The following CCBE1 variants were observed in gnomAD, a reference collection of about 807,000 sequenced individuals.
The protein encoded by CCBE1 is collagen and calcium-binding EGF domain-containing protein 1.
In CCBE1, 37 loss-of-function variants were observed where a neutral mutation model predicts 50.0. That is an observed-to-expected ratio of 0.74 (90% CI 0.57 to 0.97). CCBE1 has a LOEUF of 0.97. Ranked by LOEUF, CCBE1 falls within the 50% of genes least tolerant of loss-of-function variation. The pLI, the probability that CCBE1 is intolerant of heterozygous loss-of-function variation, is 0.00. For missense variants in CCBE1, 538 were observed against 523.8 expected (o/e 1.03, Z -0.26); for synonymous variants, 234 against 203.7 (o/e 1.15, Z -1.27).
chr18:59,636,904 G>A (rs2053923577), intron 2 of CCBE1, among the ~76,000 whole-genome samples: 1 of 152,212 alleles, frequency 6.6e-6, no homozygotes, highest in Admixed American at 6.5e-5. Context: ...CTGGGAAGCA[G>A]TGATTACCTT....
chr18:59,587,638 A>G (rs921069879), intron 2 of CCBE1, among the ~76,000 whole-genome samples: 2 of 152,242 alleles, frequency 1.3e-5, no homozygotes, highest in African/African-American at 4.8e-5. Flanking sequence ...GAAGCGACTC[A>G]GATCTAGGAC....
intron 7 of CCBE1, among the ~76,000 whole-genome samples, chr18:59,441,402 C>T (rs1386716249): frequency 6.6e-6 from 1 of 150,850 alleles, no homozygotes; most frequent in Non-Finnish European, 1.5e-5. Context: ...CCCAGCTACT[C>T]AGGAGGCTGA....
At chr18:59,558,070 C>A (rs73961241) in intron 2 of CCBE1, among the ~76,000 whole-genome samples, 2,332 of 152,286 alleles carry the variant, frequency 0.015, 80 homozygotes, top group African/African-American at 0.053. Flanking sequence ...TGGTGACTCA[C>A]GTGTATCTTA....
At chr18:59,597,611 G>C (rs543410610) in intron 2 of CCBE1, among the ~76,000 whole-genome samples, 1 of 152,120 alleles carries the variant, frequency 6.6e-6, no homozygotes, top group Non-Finnish European at 1.5e-5. Context: ...AAGAAAAAAC[G>C]GGGAAAAGTA....
At chr18:59,656,782 T>C (rs2054196236) in intron 2 of CCBE1, among the ~76,000 whole-genome samples, 1 of 152,240 alleles carries the variant, frequency 6.6e-6, no homozygotes, top group Admixed American at 6.5e-5. Context: ...GACTTCTCAG[T>C]ATTATCTTAC....
At chr18:59,571,937 C>G (rs2052921594) in intron 2 of CCBE1, among the ~76,000 whole-genome samples, 1 of 152,068 alleles carries the variant, frequency 6.6e-6, no homozygotes, top group Non-Finnish European at 1.5e-5. Flanking sequence ...CACAGTTCAC[C>G]CTTTAGACTA....
At chr18:59,501,973 A>AT (rs917658229) in intron 2 of CCBE1, among the ~76,000 whole-genome samples, 6 of 152,066 alleles carry the variant, frequency 3.9e-5, no homozygotes, top group African/African-American at 1.4e-4. Flanking sequence ...TAATTTTTGT[A>AT]TTTTTAGCAC....
intron 2 of CCBE1, among the ~76,000 whole-genome samples, chr18:59,483,811 G>T (rs1912689347): frequency 6.6e-6 from 1 of 152,064 alleles, no homozygotes; most frequent in South Asian, 2.1e-4. Flanking sequence ...AAAAACAGTG[G>T]CATTTGGGAT....
At chr18:59,598,912 C>A (rs1288615257) in intron 2 of CCBE1, among the ~76,000 whole-genome samples, 1 of 152,108 alleles carries the variant, frequency 6.6e-6, no homozygotes, top group Non-Finnish European at 1.5e-5. Context: ...AAACCATTCC[C>A]GAGAAGGAAG....
At chr18:59,462,933 C>T (rs920845271) in intron 5 of CCBE1, among the ~76,000 whole-genome samples, 4 of 152,178 alleles carry the variant, frequency 2.6e-5, no homozygotes, top group Admixed American at 6.5e-5. Flanking sequence ...TACCAAAAAA[C>T]AATGTAAAAT....
intron 2 of CCBE1, among the ~76,000 whole-genome samples, chr18:59,596,428 T>C (rs1283100973): frequency 6.6e-6 from 1 of 152,222 alleles, no homozygotes; most frequent in Non-Finnish European, 1.5e-5. Flanking sequence ...AAGTATTTTT[T>C]TCAATACCTA....
chr18:59,561,217 G>A (rs1489895097), intron 2 of CCBE1, among the ~76,000 whole-genome samples: 1 of 152,204 alleles, frequency 6.6e-6, no homozygotes, highest in African/African-American at 2.4e-5. Flanking sequence ...TATGTAATGG[G>A]CCTGTGTACC....
chr18:59,515,253 C>A (rs1914319829), intron 2 of CCBE1, among the ~76,000 whole-genome samples: 1 of 152,196 alleles, frequency 6.6e-6, no homozygotes, highest in African/African-American at 2.4e-5. Context: ...TGTAGCTACA[C>A]AAATAACAGT....
intron 2 of CCBE1, among the ~76,000 whole-genome samples, chr18:59,688,650 C>G (rs975990017): frequency 1.3e-5 from 2 of 152,214 alleles, no homozygotes; most frequent in Non-Finnish European, 2.9e-5. Flanking sequence ...GCTCAATCAA[C>G]TCCTTGCAAT....
At chr18:59,659,713 C>A (rs142222751) in intron 2 of CCBE1, among the ~76,000 whole-genome samples, 5 of 152,258 alleles carry the variant, frequency 3.3e-5, no homozygotes, top group African/African-American at 4.8e-5. Context: ...CCCAGTGACA[C>A]GTAGCTATGT....
chr18:59,559,851 G>A (rs1378138088), intron 2 of CCBE1, among the ~76,000 whole-genome samples: 1 of 152,174 alleles, frequency 6.6e-6, no homozygotes, highest in Non-Finnish European at 1.5e-5. Flanking sequence ...TCTGGGGGTG[G>A]ATGTTTCACA....
intron 2 of CCBE1, among the ~76,000 whole-genome samples, chr18:59,523,165 A>C (rs1433119956): frequency 1.3e-5 from 2 of 151,858 alleles, no homozygotes; most frequent in Non-Finnish European, 2.9e-5. Context: ...AAGCGTGTGT[A>C]TCCTCATGAG....
intron 2 of CCBE1, among the ~76,000 whole-genome samples, chr18:59,577,088 T>A (rs1272672063): frequency 6.6e-6 from 1 of 152,224 alleles, no homozygotes; most frequent in Non-Finnish European, 1.5e-5. Flanking sequence ...TAAACTTGTG[T>A]TCGTGGAGAC....
chr18:59,595,755 T>C (rs1568225360), intron 2 of CCBE1, among the ~76,000 whole-genome samples: 1 of 152,204 alleles, frequency 6.6e-6, no homozygotes, highest in Non-Finnish European at 1.5e-5. Context: ...AATATATCAG[T>C]TCTTTGGCAG....
Sources: allele counts gnomAD v4.1 joint callset (sites outside exome capture counted in the v4.1 genomes callset), GRCh38; gene constraint gnomAD v4.1.1; transcripts MANE v1.5; gene names NCBI Gene and HGNC (gene_info 2026-07-23, HGNC 2026-07-21).